ZHX2: variants seen among roughly 807,000 people sequenced by gnomAD.
The protein encoded by ZHX2 is zinc fingers and homeoboxes 2.
ZHX2 carries 6 observed loss-of-function variants against 21.9 expected under a neutral mutation model. The observed-to-expected ratio is 0.27, with a 90% confidence interval of 0.15 to 0.54. The LOEUF (loss-of-function observed/expected upper bound fraction) is 0.54, where lower values mean the gene tolerates loss of function less well. ZHX2 is among the 20% of genes least tolerant of loss of function. The pLI is 0.95. For missense variants in ZHX2, 908 were observed against 1,090.7 expected (o/e 0.83, Z 2.36); for synonymous variants, 434 against 437.1 (o/e 0.99, Z 0.09).
At chr8:122,788,045 A>T (rs937187048) in intron 1 of ZHX2, among the ~76,000 whole-genome samples, 6 of 152,100 alleles carry the variant, frequency 3.9e-5, no homozygotes, top group African/African-American at 1.4e-4. Flanking sequence ...GAAACTGAGC[A>T]AATACAAAGC....
intron 3 of ZHX2, among the ~76,000 whole-genome samples, chr8:122,956,862 G>A (rs372143009): frequency 9.2e-5 from 14 of 152,016 alleles, no homozygotes; most frequent in Admixed American, 4.6e-4. Context: ...CAGAGGCCCC[G>A]GTCCCCATCT....
At chr8:122,903,974 C>A (rs572626942) in intron 2 of ZHX2, among the ~76,000 whole-genome samples, 149 of 152,154 alleles carry the variant, frequency 9.8e-4, no homozygotes, top group Non-Finnish European at 1.6e-3. Context: ...ATAAAACAAG[C>A]ATAAGACCCT....
At chr8:122,963,560 C>G (rs1174026743) in intron 3 of ZHX2, among the ~76,000 whole-genome samples, 1 of 152,070 alleles carries the variant, frequency 6.6e-6, no homozygotes, top group Non-Finnish European at 1.5e-5. Context: ...TAATGTGATG[C>G]CCCCAGATTT....
In ZHX2 at chr8:122,953,039, A is replaced by G. The variant is rs747728729; in HGVS notation, c.1529A>G (p.Gln510Arg). Residue 510 changes from glutamine (Q) to arginine (R), a missense_variant, in exon 3 of 4, where the codon CAG becomes CGG. Around this residue, in one of 4 missense-constraint regions of ZHX2, gnomAD observed 431 missense variants for 428.6 expected, o/e 1.01. Transcript: ENST00000314393. This position sits in a 1 kb window ranked among gnomAD's most constrained non-coding sequence, Gnocchi z 4.6. ...HITSESLAKD[Q>R]LAIAASRHGR... ...ACCAGCGAATCCCTTGCCAAAGACC[A>G]GTTGGCCATCGCGGCCTCCCGACAC... 2 of 1,614,090 alleles carry G rather than the reference A, an allele frequency of 1.2e-6. No homozygotes were observed. Among genetic ancestry groups the G allele is most frequent in the Non-Finnish European group, 1.7e-6 (2 of 1,180,030 alleles).
chr8:122,961,418 T>A (rs373956947), intron 3 of ZHX2, among the ~76,000 whole-genome samples: 2 of 152,188 alleles, frequency 1.3e-5, no homozygotes, highest in South Asian at 4.1e-4. Flanking sequence ...TACAAACAGT[T>A]GTCTGTATTT....
In ZHX2 at chr8:122,871,429, C is replaced by CA. The variant is rs1283630726; in HGVS notation, c.-220+7896dup. Among the ~76,000 whole-genome samples the CA allele has an allele frequency of 4.7e-5, 7 of 147,906 alleles. No individual in the cohort carries two copies. The East Asian group carries it at 1.4e-3, about 30-fold the overall frequency. ...CATTCTCAGCAAACTATCGCAAGGA[C>CA]AAAAAACCAAACACTGCATGTTCTC... On this transcript the variant is annotated intron_variant, in intron 2 of 3. Transcript: ENST00000314393.
chr8:122,917,217 A>C (rs1173935026), intron 2 of ZHX2, among the ~76,000 whole-genome samples: 1 of 151,918 alleles, frequency 6.6e-6, no homozygotes, highest in South Asian at 2.1e-4. Flanking sequence ...TCAGCCCCCT[A>C]ACTATTTCTG....
chr8:122,820,463 G>A (rs929347260), intron 1 of ZHX2, among the ~76,000 whole-genome samples: 1 of 152,164 alleles, frequency 6.6e-6, no homozygotes, highest in Non-Finnish European at 1.5e-5. Flanking sequence ...AATAGCACCC[G>A]CCTCCCTCCC....
intron 2 of ZHX2, among the ~76,000 whole-genome samples, chr8:122,870,492 A>G (rs772383451): frequency 5.3e-5 from 8 of 151,688 alleles, no homozygotes; most frequent in Non-Finnish European, 8.8e-5. Flanking sequence ...AAAAAAAAAT[A>G]GCTGGGCGTA....
At chr8:122,838,208 A>G (rs1293926498) in intron 1 of ZHX2, among the ~76,000 whole-genome samples, 1 of 152,254 alleles carries the variant, frequency 6.6e-6, no homozygotes, top group African/African-American at 2.4e-5. Flanking sequence ...AAAGCACAGC[A>G]CAGTGGGGTG....
At chr8:122,823,831 A>G (rs1406906260) in intron 1 of ZHX2, among the ~76,000 whole-genome samples, 3 of 152,144 alleles carry the variant, frequency 2.0e-5, no homozygotes, top group African/African-American at 7.2e-5. Flanking sequence ...TCTTCAGAGT[A>G]CTTTTACCTC....
rs1034656494 is a variant in ZHX2 at position 122,920,880 on chromosome 8, C to A, written c.-219-30412C>A. On this transcript the variant is annotated intron_variant, in intron 2 of 3. Coordinates refer to ENST00000314393, the MANE Select transcript of ZHX2 (RefSeq NM_014943.5). ...CCGAAGGGGCTGAGCTCCATATGGG[C>A]GGGCTGGACAGTACCACACCACAAT... 2.0e-5 allele frequency among the ~76,000 whole-genome samples: 3 copies of A among 152,184 alleles called. No homozygotes were observed. The East Asian group carries it at 5.8e-4, about 29-fold the overall frequency.
intron 2 of ZHX2, among the ~76,000 whole-genome samples, chr8:122,896,857 A>G (rs1483807494): frequency 6.6e-6 from 1 of 152,244 alleles, no homozygotes; most frequent in Non-Finnish European, 1.5e-5. Flanking sequence ...ATATGTCATC[A>G]GGGAAAGAAC....
intron 2 of ZHX2, among the ~76,000 whole-genome samples, chr8:122,865,485 A>G (rs1819269890): frequency 6.6e-6 from 1 of 152,190 alleles, no homozygotes; most frequent in African/African-American, 2.4e-5. Flanking sequence ...GTGTGCTTGC[A>G]TTCATAGAAC....
intron 1 of ZHX2, among the ~76,000 whole-genome samples, chr8:122,840,272 T>C (rs1235990258): frequency 4.6e-5 from 7 of 152,242 alleles, no homozygotes; most frequent in African/African-American, 1.7e-4. Context: ...CTTCCCACAG[T>C]TACTCTTTCC....
At chr8:122,846,297 G>A (rs896329399) in intron 1 of ZHX2, among the ~76,000 whole-genome samples, 12 of 152,192 alleles carry the variant, frequency 7.9e-5, no homozygotes, top group Non-Finnish European at 1.5e-4. Context: ...TTTGCAAAGA[G>A]TCAGGTTCCC....
intron 2 of ZHX2, among the ~76,000 whole-genome samples, chr8:122,882,880 G>A (rs1377966652): frequency 6.6e-6 from 1 of 152,092 alleles, no homozygotes; most frequent in African/African-American, 2.4e-5. Flanking sequence ...TACTCAGGAG[G>A]CTGAGGTAGG....
At chr8:122,968,226 G>A (rs1030974403) in intron 3 of ZHX2, among the ~76,000 whole-genome samples, 3 of 152,128 alleles carry the variant, frequency 2.0e-5, no homozygotes, top group Non-Finnish European at 2.9e-5. Context: ...TAGGCCAGGA[G>A]CAGGAAAGGC....
intron 1 of ZHX2, among the ~76,000 whole-genome samples, chr8:122,835,319 G>A (rs1818469954): frequency 6.6e-6 from 1 of 152,254 alleles, no homozygotes; most frequent in Non-Finnish European, 1.5e-5. Flanking sequence ...GCGAGTAAGG[G>A]CAGGAGAGAA....
Sources: allele counts gnomAD v4.1 joint callset (sites outside exome capture counted in the v4.1 genomes callset), GRCh38; gene constraint gnomAD v4.1.1; regional missense constraint gnomAD v4.1.1; non-coding constraint Gnocchi (gnomAD v3.1); transcripts MANE v1.5; gene names NCBI Gene and HGNC (gene_info 2026-07-23, HGNC 2026-07-21).